The following SND1 variants were observed in gnomAD, a reference collection of about 807,000 sequenced individuals.
SND1 encodes staphylococcal nuclease and tudor domain containing 1, also known as staphylococcal nuclease domain-containing protein 1.
Under a neutral mutation model 121.7 loss-of-function variants are expected in SND1, and 38 were observed. The observed-to-expected ratio is 0.31, with a 90% CI of 0.24 to 0.41. The LOEUF is 0.41. Ranked by LOEUF, SND1 falls within the 10% of genes least tolerant of loss-of-function variation. The probability of loss-of-function intolerance (pLI) is 1.00; values close to 1 mark genes in which losing one functional copy is unlikely to be tolerated. For synonymous variants in SND1, 401 were observed against 447.4 expected (o/e 0.90, Z 1.31); for missense variants, 868 against 1,184.6 (o/e 0.73, Z 3.92).
At chr7:127,756,311 G>GTTGA (rs1443459272) in intron 10 of SND1, among the ~76,000 whole-genome samples, 1 of 152,122 alleles carries the variant, frequency 6.6e-6, no homozygotes, top group East Asian at 1.9e-4. Flanking sequence ...ATTTAAGGTA[G>GTTGA]TTGAATCTTG....
At chr7:127,796,324 A>G (rs908728366) in intron 10 of SND1, among the ~76,000 whole-genome samples, 5 of 152,196 alleles carry the variant, frequency 3.3e-5, no homozygotes, top group African/African-American at 1.2e-4. Flanking sequence ...TTTGAGATTT[A>G]CTAACCAGAT....
At chr7:127,899,357 T>C (rs1800182929) in intron 13 of SND1, among the ~76,000 whole-genome samples, 1 of 152,136 alleles carries the variant, frequency 6.6e-6, no homozygotes, top group African/African-American at 2.4e-5. Context: ...ATTTCTGTTC[T>C]CCCAACTATT....
chr7:127,953,764 T>C (rs933868047), intron 15 of SND1, among the ~76,000 whole-genome samples: 3 of 152,248 alleles, frequency 2.0e-5, no homozygotes, highest in Non-Finnish European at 4.4e-5. Context: ...CAAGTCTTGT[T>C]AATTTTCATT....
intron 1 of SND1, among the ~76,000 whole-genome samples, chr7:127,669,078 C>T (rs983855941): frequency 2.0e-4 from 31 of 152,104 alleles, no homozygotes; most frequent in African/African-American, 7.0e-4. Flanking sequence ...CTGCAACCTC[C>T]GCCTTCCAGG....
intron 9 of SND1, among the ~76,000 whole-genome samples, chr7:127,717,790 G>T (rs769483861): frequency 1.3e-5 from 2 of 152,180 alleles, no homozygotes; most frequent in African/African-American, 2.4e-5. Flanking sequence ...GGGGCTATTG[G>T]TGGTTATGTC....
Position 128,092,349 on chromosome 7 carries a change from T to G in SND1, c.*291T>G. The G allele has an allele frequency of 2.3e-6, 1 of 434,480 alleles. No individual in the cohort carries two copies. Among genetic ancestry groups the G allele is most frequent in the Non-Finnish European group, 4.1e-6 (1 of 243,154 alleles). The allele number at this position is 434,480 out of a possible 1,614,324, so 26.9% of individuals were successfully genotyped here. On this transcript the variant is annotated 3_prime_UTR_variant, in exon 24 of 24. Coordinates refer to ENST00000354725, the MANE Select transcript of SND1 (RefSeq NM_014390.4). This position sits in a 1 kb window ranked among gnomAD's most constrained non-coding sequence, Gnocchi z 4.9. Reference sequence around the variant, plus strand: ...TTTTTAAAAAAAAAAAGTCCTCAAATCAGGAAGAAACATCAAAGACTATGT... The same window carrying G: ...TTTTTAAAAAAAAAAAGTCCTCAAAGCAGGAAGAAACATCAAAGACTATGT...
At chr7:127,758,841 G>A (rs1443360449) in intron 10 of SND1, among the ~76,000 whole-genome samples, 1 of 152,028 alleles carries the variant, frequency 6.6e-6, no homozygotes, top group Non-Finnish European at 1.5e-5. Flanking sequence ...GATCACTTAA[G>A]CCCAGAAATT....
In SND1 at chr7:127,984,784, T is replaced by C. The variant is rs764269138; in HGVS notation, c.1670-6163T>C. Among the ~76,000 whole-genome samples the C allele has an allele frequency of 5.9e-5, 9 of 152,284 alleles. No individual in the cohort carries two copies. In the South Asian group the frequency reaches 6.2e-4, roughly 11 times the overall value. On this transcript the variant is annotated intron_variant, in intron 15 of 23. Transcript: ENST00000354725. ...AGGGGAGAGAGCAGAGGAATATCCA[T>C]GAAAATCTAATAGGAGCCTAGGTAG...
rs183801921 is a variant in SND1, at chr7:127,798,045, C to T, written c.1153-9439C>T. On this transcript the variant is annotated intron_variant, in intron 10 of 23. Transcript: ENST00000354725. ...ATTGAGTAGAAGAACACTCTTTAGA[C>T]GCAGATTTTTTTTCTTACATGATGG... Among the ~76,000 whole-genome samples the T allele has an allele frequency of 2.0e-3, 301 of 152,254 alleles. 1 individual carries two copies. The highest frequency in any genetic ancestry group is 3.4e-3 in the Middle Eastern group (1 of 294).
chr7:128,065,496 C>T (rs764200543), intron 16 of SND1, among the ~76,000 whole-genome samples: 12 of 152,218 alleles, frequency 7.9e-5, no homozygotes, highest in Non-Finnish European at 1.2e-4. Context: ...GGAACTGACA[C>T]GTGAACTTGA....
chr7:127,956,303 C>T (rs939700223), intron 15 of SND1, among the ~76,000 whole-genome samples: 5 of 152,152 alleles, frequency 3.3e-5, no homozygotes. Flanking sequence ...AATCCAGAGC[C>T]CCAGTATGTC....
intron 1 of SND1, among the ~76,000 whole-genome samples, chr7:127,686,343 A>G (rs762888077): frequency 2.0e-5 from 3 of 152,208 alleles, no homozygotes; most frequent in Non-Finnish European, 2.9e-5. Context: ...TATGTCTCAC[A>G]TGCCTTTTTA....
chr7:127,709,806 A>T (rs1381562881), intron 9 of SND1, among the ~76,000 whole-genome samples: 2 of 151,912 alleles, frequency 1.3e-5, no homozygotes, highest in African/African-American at 4.9e-5. Flanking sequence ...TGAAACATAA[A>T]TTGAGACTGT....
At chr7:127,972,825 C>T (rs1333251890) in intron 15 of SND1, among the ~76,000 whole-genome samples, 1 of 152,216 alleles carries the variant, frequency 6.6e-6, no homozygotes, top group African/African-American at 2.4e-5. Flanking sequence ...AGAGATCCAC[C>T]TGTCTTGGCC....
intron 10 of SND1, among the ~76,000 whole-genome samples, chr7:127,746,738 A>T (rs1346540537): frequency 1.3e-5 from 2 of 151,978 alleles, no homozygotes; most frequent in African/African-American, 4.8e-5. Context: ...AGGCTAGAAA[A>T]CTGATGTCTG....
At chr7:127,739,547 T>C (rs1361879541) in intron 10 of SND1, among the ~76,000 whole-genome samples, 1 of 152,186 alleles carries the variant, frequency 6.6e-6, no homozygotes, top group East Asian at 1.9e-4. Flanking sequence ...TAATGAAGCC[T>C]CTAGCTGTTC....
At chr7:127,944,537 C>T (rs556716713) in intron 15 of SND1, among the ~76,000 whole-genome samples, 42 of 152,314 alleles carry the variant, frequency 2.8e-4, no homozygotes, top group African/African-American at 9.9e-4. Context: ...TTCCCTCCCT[C>T]AGTTGGCCTA....
At chr7:127,683,468 C>T (rs763367732) in intron 1 of SND1, among the ~76,000 whole-genome samples, 11 of 152,170 alleles carry the variant, frequency 7.2e-5, no homozygotes, top group African/African-American at 2.2e-4. Context: ...CCTCTCGCCT[C>T]GTCCTCCCAA....
intron 22 of SND1, among the ~76,000 whole-genome samples, chr7:128,091,594 G>A (rs1462395426): frequency 6.6e-6 from 1 of 152,174 alleles, no homozygotes; most frequent in Non-Finnish European, 1.5e-5. Flanking sequence ...GGGAGAGGTA[G>A]CCAGGAGGAC....
Sources: allele counts gnomAD v4.1 joint callset (sites outside exome capture counted in the v4.1 genomes callset), GRCh38; gene constraint gnomAD v4.1.1; non-coding constraint Gnocchi (gnomAD v3.1); transcripts MANE v1.5; gene names NCBI Gene and HGNC (gene_info 2026-07-23, HGNC 2026-07-21).